Variants in CBX1 observed in about 807,000 individuals in gnomAD.
CBX1 encodes chromobox 1, also known as chromobox protein homolog 1.
CBX1 carries 10 observed loss-of-function variants against 25.1 expected under a neutral mutation model. The ratio of observed to expected loss-of-function variants is 0.40; its 90% CI spans 0.25 to 0.68. The LOEUF is 0.68. CBX1 is among the 30% of genes least tolerant of loss of function. CBX1 has a pLI of 0.40. For synonymous variants in CBX1, 63 were observed against 79.4 expected (o/e 0.79, Z 1.10); for missense variants, 106 against 218.5 (o/e 0.49, Z 3.25).
At chr17:48,088,594 G>C (rs2063325944) in intron 1 of CBX1, 1 of 152,072 alleles carries the variant, frequency 6.6e-6, no homozygotes, top group Admixed American at 6.6e-5. Context: ...ACTCCAGCCT[G>C]GGCGACAAAG....
At chr17:48,079,701 C>T (rs2144438477) in intron 1 of CBX1, among the ~76,000 whole-genome samples, 2 of 152,080 alleles carry the variant, frequency 1.3e-5, no homozygotes, top group African/African-American at 4.8e-5. Flanking sequence ...CAATATGTTG[C>T]CCAGGCTTGT....
intron 1 of CBX1, among the ~76,000 whole-genome samples, chr17:48,093,824 G>A (rs934819950): frequency 6.6e-6 from 1 of 152,114 alleles, no homozygotes; most frequent in African/African-American, 2.4e-5. Flanking sequence ...TAAGTATTAA[G>A]AAGTGTGGGC....
At chr17:48,100,215 G>A (rs938786768) in intron 1 of CBX1, among the ~76,000 whole-genome samples, 9 of 145,282 alleles carry the variant, frequency 6.2e-5, no homozygotes, top group African/African-American at 2.3e-4. Context: ...GCTAAAAACA[G>A]AAGGGCCCAC....
At chr17:48,092,670 T>C (rs1292678653) in intron 1 of CBX1, among the ~76,000 whole-genome samples, 2 of 151,730 alleles carry the variant, frequency 1.3e-5, no homozygotes, top group African/African-American at 2.4e-5. Context: ...GCTAGGCTGG[T>C]CTCGAACTCC....
At position 48,101,431 on chromosome 17, in the gene CBX1, C is replaced by T. The variant is rs1338058399; in HGVS notation, c.-201G>A. 2.0e-6 allele frequency: 2 copies of T among 985,480 alleles called. No individual in the cohort carries two copies. The highest frequency in any genetic ancestry group is 2.4e-6 in the Non-Finnish European group (2 of 830,044). 61.0% of individuals were successfully genotyped at this position (985,480 alleles called of 1,614,324 possible). ...CGCAGGCCCCGGCCAACGGCCCTCC[C>T]CTCAGCCGAACAAAAGAGCCTCGCA... On this transcript the variant is annotated 5_prime_UTR_variant, in exon 1 of 5. Coordinates refer to ENST00000225603, the MANE Select transcript of CBX1 (RefSeq NM_001127228.2).
chr17:48,086,049 T>C (rs1261153482), intron 1 of CBX1, among the ~76,000 whole-genome samples: 1 of 151,862 alleles, frequency 6.6e-6, no homozygotes, highest in Non-Finnish European at 1.5e-5. Flanking sequence ...CCAGCCTGGG[T>C]GACACAGCGA....
intron 1 of CBX1, among the ~76,000 whole-genome samples, chr17:48,087,789 T>C (rs2063320958): frequency 1.3e-5 from 2 of 150,212 alleles, no homozygotes; most frequent in Non-Finnish European, 3.0e-5. Flanking sequence ...GGAGAATCAC[T>C]TGAACCGGGG....
At chr17:48,083,800 G>A (rs2037760129) in intron 1 of CBX1, among the ~76,000 whole-genome samples, 1 of 149,996 alleles carries the variant, frequency 6.7e-6, no homozygotes. Flanking sequence ...CTCCAGCCTG[G>A]GCGACAAAAG....
At chr17:48,077,255 A>AC (rs1212645152) in intron 1 of CBX1, among the ~76,000 whole-genome samples, 1 of 136,004 alleles carries the variant, frequency 7.4e-6, no homozygotes, top group African/African-American at 3.1e-5. Flanking sequence ...CTTACAGCAA[A>AC]CTTTTTTTTT....
chr17:48,089,044 T>C (rs2063328519), intron 1 of CBX1, among the ~76,000 whole-genome samples: 1 of 151,126 alleles, frequency 6.6e-6, no homozygotes, highest in Non-Finnish European at 1.5e-5. Flanking sequence ...AGGAACAGCA[T>C]AAATCTGAAT....
intron 1 of CBX1, 110 bp from the exon 2 acceptor site, chr17:48,077,151 G>A (rs1163752715): frequency 2.5e-6 from 2 of 801,580 alleles, no homozygotes; most frequent in South Asian, 1.9e-5. Flanking sequence ...ATTGTATGCT[G>A]CTTATAGTAA....
At chr17:48,081,385 A>C (rs1462148813) in intron 1 of CBX1, among the ~76,000 whole-genome samples, 4 of 152,144 alleles carry the variant, frequency 2.6e-5, no homozygotes, top group Non-Finnish European at 4.4e-5. Flanking sequence ...TTAGGTAAAG[A>C]AAGCGCCCAA....
chr17:48,093,632 A>C (rs563936125), intron 1 of CBX1, among the ~76,000 whole-genome samples: 9 of 152,224 alleles, frequency 5.9e-5, no homozygotes, highest in Non-Finnish European at 1.0e-4. Flanking sequence ...ATTTTCTACA[A>C]GGTTTCCTCC....
intron 1 of CBX1, among the ~76,000 whole-genome samples, chr17:48,082,680 T>C (rs2037751097): frequency 6.7e-6 from 1 of 148,566 alleles, no homozygotes. Flanking sequence ...GGACTACAGA[T>C]GCACACCACC....
At chr17:48,081,830 T>C (rs2037740974) in intron 1 of CBX1, among the ~76,000 whole-genome samples, 1 of 152,196 alleles carries the variant, frequency 6.6e-6, no homozygotes, top group African/African-American at 2.4e-5. Flanking sequence ...GAGCTTTCTT[T>C]ACTGGCTCAT....
intron 1 of CBX1, among the ~76,000 whole-genome samples, chr17:48,091,931 G>A (rs1325629716): frequency 6.8e-6 from 1 of 147,512 alleles, no homozygotes; most frequent in Non-Finnish European, 1.5e-5. Context: ...CACTCACCTC[G>A]ACCACTCAAA....
chr17:48,075,589 G>A (rs1043891485), intron 3 of CBX1, among the ~76,000 whole-genome samples: 3 of 152,144 alleles, frequency 2.0e-5, no homozygotes, highest in South Asian at 2.1e-4. Flanking sequence ...AATGTCTGAA[G>A]CGCATGAGAT....
rs181212462 is a variant in CBX1, at chr17:48,076,615, G to T, written c.140+250C>A. 2.0e-5 allele frequency among the ~76,000 whole-genome samples: 3 copies of T among 152,258 alleles called. No individual in the cohort carries two copies. In the East Asian group the frequency reaches 5.8e-4, roughly 29 times the overall value. On this transcript the variant is annotated intron_variant, in intron 2 of 4. Coordinates refer to ENST00000225603, the MANE Select transcript of CBX1 (RefSeq NM_001127228.2). ...GAGCCTGGGAGGTTGAGGCTGCAGC[G>T]AGCTATGACTGCACCACTGTACTCC...
intron 1 of CBX1, among the ~76,000 whole-genome samples, chr17:48,085,858 G>C (rs2063308832): frequency 6.6e-6 from 1 of 152,130 alleles, no homozygotes; most frequent in Non-Finnish European, 1.5e-5. Context: ...CCTAAGGTCA[G>C]GAGTTCAAGA....
Sources: allele counts gnomAD v4.1 joint callset (sites outside exome capture counted in the v4.1 genomes callset), GRCh38; gene constraint gnomAD v4.1.1; transcripts MANE v1.5; gene names NCBI Gene and HGNC (gene_info 2026-07-23, HGNC 2026-07-21).